Variants in ASAP2 observed in about 807,000 individuals in gnomAD.
ASAP2 encodes arf-GAP with SH3 domain, ANK repeat and PH domain-containing protein 2.
In ASAP2, 45 loss-of-function variants were observed where a neutral mutation model predicts 131.4. The ratio of observed to expected loss-of-function variants is 0.34; its 90% CI spans 0.27 to 0.44. The LOEUF is 0.44. Ranked by LOEUF, ASAP2 falls within the 20% of genes least tolerant of loss-of-function variation. The pLI, the probability that ASAP2 is intolerant of heterozygous loss-of-function variation, is 1.00. For missense variants in ASAP2, 1,011 were observed against 1,297.0 expected (o/e 0.78, Z 3.39); for synonymous variants, 510 against 503.0 (o/e 1.01, Z -0.19).
At chr2:9,306,759 T>A (rs1283303876) in intron 3 of ASAP2, among the ~76,000 whole-genome samples, 1 of 152,096 alleles carries the variant, frequency 6.6e-6, no homozygotes, top group Non-Finnish European at 1.5e-5. Flanking sequence ...TTTGGGAACT[T>A]TCAGCCGTTT....
intron 1 of ASAP2, among the ~76,000 whole-genome samples, chr2:9,262,530 C>T (rs1267356529): frequency 1.3e-5 from 2 of 152,186 alleles, no homozygotes; most frequent in East Asian, 1.9e-4. Flanking sequence ...TGAGGTCACG[C>T]GGCTAGTAAT....
chr2:9,244,848 G>A (rs150209470), intron 1 of ASAP2, among the ~76,000 whole-genome samples: 143 of 152,274 alleles, frequency 9.4e-4, no homozygotes, highest in Non-Finnish European at 1.5e-3. Context: ...TCCTTTCTGA[G>A]GCATCATAAA....
intron 1 of ASAP2, among the ~76,000 whole-genome samples, chr2:9,266,733 T>C (rs1037204220): frequency 1.3e-5 from 2 of 152,220 alleles, no homozygotes; most frequent in African/African-American, 4.8e-5. Context: ...GTTGCTACTT[T>C]AGGAGCTCAG....
At chr2:9,313,309 A>G (rs925055439) in intron 3 of ASAP2, among the ~76,000 whole-genome samples, 1 of 152,182 alleles carries the variant, frequency 6.6e-6, no homozygotes, top group African/African-American at 2.4e-5. Flanking sequence ...CTAAGTTCTT[A>G]TTGGAATTAA....
intron 8 of ASAP2, 115 bp from the exon 9 acceptor site, chr2:9,334,978 C>T (rs1671104198): frequency 1.3e-5 from 17 of 1,354,064 alleles, no homozygotes; most frequent in South Asian, 1.2e-4. Flanking sequence ...AAGGTTTGAC[C>T]AGCGAGGGAG....
rs781536075 is a variant in ASAP2, at chr2:9,400,794, G to A, written c.2787G>A (p.Leu929=). ...ALGPLSNAMV[L]QPPAPMPRKS... is the part of the protein sequence containing the mutation. ...GTCCTCTGTCCAATGCTATGGTCCT[G>A]CAGCCCCCTGCACCCATGCCTAGGA... The change falls in exon 26 of 28, where the codon CTG becomes CTA. Residue 929 remains leucine, a synonymous_variant. Transcript: ENST00000281419. 1 of 1,613,674 alleles carries A rather than the reference G, an allele frequency of 6.2e-7. No individual in the cohort carries two copies. The highest frequency in any genetic ancestry group is 1.1e-5 in the South Asian group (1 of 91,084).
chr2:9,307,611 C>T (rs546468351), intron 3 of ASAP2, among the ~76,000 whole-genome samples: 2 of 152,136 alleles, frequency 1.3e-5, no homozygotes, highest in Non-Finnish European at 2.9e-5. Context: ...CAAGCTTATC[C>T]TTTATTCTAG....
intron 1 of ASAP2, among the ~76,000 whole-genome samples, chr2:9,242,663 C>T (rs1406096924): frequency 3.3e-5 from 5 of 152,232 alleles, no homozygotes; most frequent in Admixed American, 3.3e-4. Flanking sequence ...CCTTTGCTTC[C>T]TCAGGATGGA....
chr2:9,311,903 C>T lies in ASAP2; in HGVS notation c.346-6621C>T, dbSNP rs1669328531. ...TGTGTGCTGTGTGGATTGCATACACCAAGCATGGAAAGGCAGAGGCAAGCA... is the reference window on the plus strand; with the variant it reads ...TGTGTGCTGTGTGGATTGCATACACTAAGCATGGAAAGGCAGAGGCAAGCA... On this transcript the variant is annotated intron_variant, in intron 3 of 27. Transcript: ENST00000281419. The surrounding 1 kb of genome is among the most constrained non-coding windows in gnomAD (Gnocchi z 5.2). Among the ~76,000 whole-genome samples, 1 of 152,240 alleles carries T rather than the reference C, an allele frequency of 6.6e-6. No homozygotes were observed. Among genetic ancestry groups the T allele is most frequent in the South Asian group, 2.1e-4 (1 of 4,832 alleles).
intron 1 of ASAP2, among the ~76,000 whole-genome samples, chr2:9,257,529 T>A (rs1047195061): frequency 2.0e-5 from 3 of 152,226 alleles, no homozygotes; most frequent in Admixed American, 1.3e-4. Context: ...TTGTTTTGTT[T>A]TGTTTTTGAG....
At chr2:9,360,190 A>C (rs1672990027) in intron 15 of ASAP2, among the ~76,000 whole-genome samples, 1 of 152,224 alleles carries the variant, frequency 6.6e-6, no homozygotes, top group African/African-American at 2.4e-5. Context: ...GGAAAGTGTT[A>C]AGTGATTCAA....
chr2:9,370,240 G>C (rs976139942), intron 16 of ASAP2, among the ~76,000 whole-genome samples: 1 of 152,206 alleles, frequency 6.6e-6, no homozygotes, highest in Non-Finnish European at 1.5e-5. Context: ...TACAGTGAAA[G>C]AGCCAGAACA....
chr2:9,277,901 A>G (rs936861067), intron 1 of ASAP2, among the ~76,000 whole-genome samples: 3 of 152,208 alleles, frequency 2.0e-5, no homozygotes, highest in African/African-American at 4.8e-5. Context: ...TTAGCATCCA[A>G]TAAAATTATC....
At chr2:9,333,689 T>C (rs1670990174) in intron 7 of ASAP2, among the ~76,000 whole-genome samples, 1 of 150,660 alleles carries the variant, frequency 6.6e-6, no homozygotes, top group African/African-American at 2.4e-5. Context: ...AGGCTGGAGC[T>C]GCATCAGGCC....
In ASAP2 at chr2:9,344,647, G is replaced by A. The variant is rs753506040; in HGVS notation, c.953+12G>A. ...AAGAAGAGTGACGGGTACGTGAGGG[G>A]GTGTGGCTAGAGTTTAAATGTACGT... On this transcript the variant is annotated intron_variant, in intron 10 of 27. Coordinates refer to ENST00000281419, the MANE Select transcript of ASAP2 (RefSeq NM_003887.3). The A allele has an allele frequency of 6.8e-6, 11 of 1,613,522 alleles. No homozygotes were observed. Among genetic ancestry groups the A allele is most frequent in the Non-Finnish European group, 9.3e-6 (11 of 1,179,452 alleles).
chr2:9,304,786 G>A (rs1668736997), intron 3 of ASAP2, among the ~76,000 whole-genome samples: 4 of 150,554 alleles, frequency 2.7e-5, no homozygotes, highest in South Asian at 2.1e-4. Flanking sequence ...TTGGTGGAGG[G>A]GCTGGAGTAG....
rs1193940565 is a variant in ASAP2, at chr2:9,405,405, C to T, written c.*2078C>T. 1 of 152,598 alleles carries T rather than the reference C, an allele frequency of 6.6e-6. No individual in the cohort carries two copies. Among genetic ancestry groups the T allele is most frequent in the South Asian group, 2.1e-4 (1 of 4,830 alleles). The allele number at this position is 152,598 out of a possible 1,614,324, so 9.5% of individuals were successfully genotyped here. A position where few individuals can be genotyped will look rare whatever the true frequency, so the allele number is the denominator to read the frequency against. On this transcript the variant is annotated 3_prime_UTR_variant, in exon 28 of 28. Coordinates refer to ENST00000281419, the MANE Select transcript of ASAP2 (RefSeq NM_003887.3). ...TTCTCCATCAGATCTGGGATGATGG[C>T]TCAGAACATGTACACAGACTAAGAG...
chr2:9,263,090 C>T (rs1665689682), intron 1 of ASAP2, among the ~76,000 whole-genome samples: 7 of 151,998 alleles, frequency 4.6e-5, no homozygotes, highest in Admixed American at 3.9e-4. Flanking sequence ...TGCATCGCCA[C>T]GGCTGGAGGG....
chr2:9,302,622 G>A (rs568385256), intron 3 of ASAP2, among the ~76,000 whole-genome samples: 75 of 152,094 alleles, frequency 4.9e-4, no homozygotes, highest in South Asian at 1.9e-3. Context: ...TTATAGGCGC[G>A]AGCCACCACA....
Sources: gnomAD v4.1 joint callset for allele counts (sites outside exome capture counted in the v4.1 genomes callset) on GRCh38, gnomAD v4.1.1 for gene constraint, Gnocchi (gnomAD v3.1) non-coding constraint, MANE v1.5 for transcripts, NCBI Gene and HGNC (gene_info 2026-07-23, HGNC 2026-07-21) for gene names.